OPHN1: variants seen among roughly 807,000 people sequenced by gnomAD.
The protein encoded by OPHN1 is oligophrenin 1.
OPHN1 carries 11 observed loss-of-function variants against 60.7 expected under a neutral mutation model. That is an observed-to-expected ratio of 0.18 (90% CI 0.11 to 0.30). The LOEUF is 0.30. Among genes scored for constraint, OPHN1 ranks in the 10% least tolerant of loss-of-function variants. The pLI is 1.00. For synonymous variants in OPHN1, 226 were observed against 222.6 expected (o/e 1.02, Z -0.14); for missense variants, 449 against 611.0 (o/e 0.73, Z 2.80).
intron 15 of OPHN1, among the ~76,000 whole-genome samples, chrX:68,141,556 G>A (rs1355740719): frequency 8.9e-6 from 1 of 111,771 alleles, no homozygotes; most frequent in African/African-American, 3.2e-5. Context: ...GTTGTTTTAA[G>A]AAGTTTCATA....
intron 15 of OPHN1, among the ~76,000 whole-genome samples, chrX:68,121,674 G>A (rs1010769650): frequency 3.7e-5 from 4 of 109,474 alleles, no homozygotes; most frequent in Non-Finnish European, 7.6e-5. Flanking sequence ...AATTTGGGAG[G>A]CATGCAACCT....
At chrX:68,104,720 T>C (rs919564226) in intron 18 of OPHN1, among the ~76,000 whole-genome samples, 3 of 111,633 alleles carry the variant, frequency 2.7e-5, no homozygotes, top group Admixed American at 9.5e-5. Flanking sequence ...GATAAAAACA[T>C]AGGCAATACC....
chrX:68,269,393 T>A (rs1001494694), intron 5 of OPHN1, among the ~76,000 whole-genome samples: 1 of 111,169 alleles, frequency 9.0e-6, no homozygotes, highest in Non-Finnish European at 1.9e-5. Context: ...AACAGAGATA[T>A]AGACCAATGG....
chrX:68,320,009 C>T (rs1245980653), intron 2 of OPHN1, among the ~76,000 whole-genome samples: 1 of 110,524 alleles, frequency 9.0e-6, no homozygotes, highest in East Asian at 2.9e-4. Flanking sequence ...GGCAAATAAG[C>T]ATAAGAAACA....
At chrX:68,288,141 A>G (rs2078054098) in intron 3 of OPHN1, among the ~76,000 whole-genome samples, 1 of 111,974 alleles carries the variant, frequency 8.9e-6, no homozygotes, top group African/African-American at 3.2e-5. Context: ...AAGTCAAGAT[A>G]GCCTCTTGAT....
intron 2 of OPHN1, among the ~76,000 whole-genome samples, chrX:68,306,694 T>C (rs1037259305): frequency 4.5e-5 from 5 of 112,137 alleles, no homozygotes; most frequent in Non-Finnish European, 9.4e-5. Context: ...ATGGAAGCTG[T>C]CCGAAAAATT....
At chrX:68,118,930 C>A (rs181581055) in intron 16 of OPHN1, among the ~76,000 whole-genome samples, 2 of 112,222 alleles carry the variant, frequency 1.8e-5, no homozygotes, top group African/African-American at 6.5e-5. Context: ...GCTCCTGATT[C>A]TACTAGTGAA....
intron 2 of OPHN1, among the ~76,000 whole-genome samples, chrX:68,347,446 T>G (rs2078384277): frequency 9.0e-6 from 1 of 110,986 alleles, no homozygotes; most frequent in South Asian, 3.8e-4. Flanking sequence ...GCCTCCTGAG[T>G]AGCTGTGACC....
At chrX:68,132,992 G>T (rs1227409880) in intron 15 of OPHN1, 14 of 468,660 alleles carry the variant, frequency 3.0e-5, no homozygotes, top group Admixed American at 5.6e-5. Context: ...GCCCCCGGAC[G>T]CCAAGCCGCC....
At chrX:68,193,778 A>G (rs779986914) in intron 14 of OPHN1, 112 bp downstream of exon 14, 54 of 649,289 alleles carry the variant, frequency 8.3e-5, no homozygotes, top group African/African-American at 6.5e-4. Context: ...CATCTACTAC[A>G]CAAGCTTTAT....
chrX:68,431,225 TG>T (rs2078884013), intron 2 of OPHN1, among the ~76,000 whole-genome samples: 1 of 112,132 alleles, frequency 8.9e-6, no homozygotes, highest in African/African-American at 3.2e-5. Context: ...AGTTTACTCT[TG>T]GTCAGGCCAC....
Position 68,365,970 on chromosome X carries a change from C to A in OPHN1, c.155-66874G>T, listed in dbSNP as rs778501015. 8.4e-5 allele frequency among the ~76,000 whole-genome samples: 9 copies of A among 107,384 alleles called. No homozygotes were observed. The South Asian group carries it at 3.8e-3, about 45-fold the overall frequency. The allele number at this position is 107,384 out of a possible 115,157, so 93.3% of individuals were successfully genotyped here. On this transcript the variant is annotated intron_variant, in intron 2 of 24. Coordinates refer to ENST00000355520, the MANE Select transcript of OPHN1 (RefSeq NM_002547.3). ...AACTTACCCAGCTAGACTTCAGCAA[C>A]TTTTTCTCCAAAAAAAAAAAACAAA...
chrX:68,310,436 GA>G (rs764572311), intron 2 of OPHN1, among the ~76,000 whole-genome samples: 8,800 of 105,421 alleles, frequency 0.083, 918 homozygotes, highest in African/African-American at 0.29. Context: ...CTAAGAAGAG[GA>G]AAAAAAAAAT....
chrX:68,333,671 G>GCA (rs368691205), intron 2 of OPHN1, among the ~76,000 whole-genome samples: 19 of 107,394 alleles, frequency 1.8e-4, no homozygotes, highest in East Asian at 1.2e-3. Context: ...GCGCGTGCGT[G>GCA]CACACACACA....
chrX:68,338,512 CACAAGACA>C (rs1371583270), intron 2 of OPHN1, among the ~76,000 whole-genome samples: 4 of 111,560 alleles, frequency 3.6e-5, no homozygotes, highest in Non-Finnish European at 7.5e-5. Context: ...AACAATAAAT[CACAAGACA>C]AATTAGAAAA....
intron 8 of OPHN1, 97 bp from the exon 9 acceptor site, chrX:68,210,379 A>C (rs1432247893): frequency 1.7e-5 from 15 of 874,902 alleles, no homozygotes; most frequent in Non-Finnish European, 2.3e-5. Flanking sequence ...TTCCCTGCTT[A>C]CAGCATGTGC....
At chrX:68,212,510 G>A (rs765942052) in intron 7 of OPHN1, among the ~76,000 whole-genome samples, 103 of 111,608 alleles carry the variant, frequency 9.2e-4, no homozygotes, top group Non-Finnish European at 1.1e-3. Context: ...GCTTGAACCC[G>A]GGAGGCGGAG....
At position 68,403,803 on chromosome X, in the gene OPHN1, G is replaced by A. The variant is rs180831748; in HGVS notation, c.154+29064C>T. Among the ~76,000 whole-genome samples, 3 of 109,743 alleles carry A rather than the reference G, an allele frequency of 2.7e-5. No individual in the cohort carries two copies. In the Admixed American group the frequency reaches 3.0e-4, roughly 11 times the overall value. On this transcript the variant is annotated intron_variant, in intron 2 of 24. Coordinates refer to ENST00000355520, the MANE Select transcript of OPHN1 (RefSeq NM_002547.3). ...AGGCAGCATTCTGAACTCAGGTACT[G>A]CACGAGATGTACTGCTTGATGGGGA... is the stretch of plus-strand genomic sequence containing the variant.
chrX:68,265,830 T>C (rs781078866), intron 5 of OPHN1, among the ~76,000 whole-genome samples: 2 of 110,989 alleles, frequency 1.8e-5, no homozygotes, highest in East Asian at 5.7e-4. Flanking sequence ...GAGAACTCCT[T>C]AAAGGACCTG....
Sources: gnomAD v4.1 joint callset for allele counts (sites outside exome capture counted in the v4.1 genomes callset) on GRCh38, gnomAD v4.1.1 for gene constraint, MANE v1.5 for transcripts, NCBI Gene and HGNC (gene_info 2026-07-23, HGNC 2026-07-21) for gene names.